Variants in POC1B observed in about 807,000 individuals in gnomAD.
The protein encoded by POC1B is POC1 centriolar protein homolog B.
In POC1B, 44 loss-of-function variants were observed where a neutral mutation model predicts 60.6. The observed-to-expected ratio is 0.73, with a 90% CI of 0.57 to 0.93. POC1B has a LOEUF of 0.93. POC1B is among the 40% of genes least tolerant of loss of function. The pLI is 0.00. For synonymous variants in POC1B, 180 were observed against 198.9 expected (o/e 0.90, Z 0.80); for missense variants, 555 against 572.3 (o/e 0.97, Z 0.31).
At chr12:89,501,707 C>A in intron 2 of POC1B, 1 of 954,142 alleles carries the variant, frequency 1.0e-6, no homozygotes, top group East Asian at 2.4e-5. Context: ...GTGGTAAAAT[C>A]AGAGGAGAGT....
In POC1B at chr12:89,446,720, TA is replaced by T. The variant is rs1165290902; in HGVS notation, c.1113+12917del. On this transcript the variant is annotated intron_variant, in intron 10 of 11. Coordinates refer to ENST00000313546, the MANE Select transcript of POC1B (RefSeq NM_172240.3). ...ATATGTAACAAACTTAAAGTGTAAT[TA>T]AAAAAAAAAAAGAAAAACATTTTGA... is the stretch of plus-strand genomic sequence containing the variant. 2.1e-3 allele frequency among the ~76,000 whole-genome samples: 294 copies of T among 139,082 alleles called. 1 individual carries two copies. The highest frequency in any genetic ancestry group is 2.0e-3 in the Non-Finnish European group (127 of 63,346). The allele number at this position is 139,082 out of a possible 152,430, so 91.2% of individuals were successfully genotyped here. A position where few individuals can be genotyped will look rare whatever the true frequency, so the allele number is the denominator to read the frequency against.
At chr12:89,471,513 A>G (rs575363567) in intron 6 of POC1B, 101 bp downstream of exon 6, 4 of 894,452 alleles carry the variant, frequency 4.5e-6, no homozygotes, top group East Asian at 2.6e-5. Flanking sequence ...AAGGCAGCCC[A>G]TGACCCCAAG....
chr12:89,431,813 T>C (rs895617918), intron 10 of POC1B, among the ~76,000 whole-genome samples: 2 of 152,224 alleles, frequency 1.3e-5, no homozygotes, highest in African/African-American at 2.4e-5. Flanking sequence ...TATTATCTTA[T>C]AGTTTTGGAG....
intron 2 of POC1B, among the ~76,000 whole-genome samples, chr12:89,517,577 G>A (rs1448833186): frequency 6.6e-6 from 1 of 151,770 alleles, no homozygotes. Context: ...AGGTTGCAGT[G>A]AGCCAAGATC....
intron 11 of POC1B, among the ~76,000 whole-genome samples, chr12:89,423,039 C>G (rs921538797): frequency 4.6e-5 from 7 of 152,084 alleles, no homozygotes; most frequent in Admixed American, 4.6e-4. Flanking sequence ...GGGTCTTAGT[C>G]TGTCACCCAG....
intron 10 of POC1B, among the ~76,000 whole-genome samples, chr12:89,438,179 C>T (rs1376327227): frequency 4.6e-5 from 7 of 152,074 alleles, no homozygotes; most frequent in Admixed American, 1.3e-4. Flanking sequence ...CTCTTCAGGC[C>T]GGGCGCGGTG....
intron 4 of POC1B, among the ~76,000 whole-genome samples, chr12:89,490,432 C>T (rs1381303247): frequency 6.6e-6 from 1 of 152,128 alleles, no homozygotes; most frequent in Non-Finnish European, 1.5e-5. Context: ...GCACCCTCTG[C>T]CTCCTGGATT....
intron 10 of POC1B, among the ~76,000 whole-genome samples, chr12:89,438,498 A>G (rs978578755): frequency 6.6e-6 from 1 of 152,200 alleles, no homozygotes; most frequent in African/African-American, 2.4e-5. Flanking sequence ...GCTCTTCAAA[A>G]GGTTAGCAAT....
intron 9 of POC1B, among the ~76,000 whole-genome samples, chr12:89,466,065 G>T (rs1474700711): frequency 6.6e-6 from 1 of 152,202 alleles, no homozygotes; most frequent in Non-Finnish European, 1.5e-5. Flanking sequence ...CAAAGAGACT[G>T]CCAGTGATAA....
intron 4 of POC1B, among the ~76,000 whole-genome samples, chr12:89,472,984 T>C (rs1882961094): frequency 6.6e-6 from 1 of 152,234 alleles, no homozygotes; most frequent in Non-Finnish European, 1.5e-5. Context: ...CAAGGTTCTT[T>C]TTTTATTGTT....
At chr12:89,434,643 C>T (rs1464383540) in intron 10 of POC1B, among the ~76,000 whole-genome samples, 2 of 152,208 alleles carry the variant, frequency 1.3e-5, no homozygotes, top group African/African-American at 4.8e-5. Flanking sequence ...ATAACACCAA[C>T]TTTCTGCATA....
At chr12:89,467,488 C>A in intron 8 of POC1B, 129 bp downstream of exon 8, 1 of 709,342 alleles carries the variant, frequency 1.4e-6, no homozygotes, top group Non-Finnish European at 2.3e-6. Context: ...CTTCATGGTA[C>A]TAATTAAAAT....
chr12:89,505,301 T>G (rs1030029788), intron 2 of POC1B, among the ~76,000 whole-genome samples: 8 of 152,270 alleles, frequency 5.3e-5, no homozygotes, highest in Non-Finnish European at 1.0e-4. Context: ...ACTTAGTATT[T>G]GATTCAGCAA....
chr12:89,513,803 G>T (rs1870302827), intron 2 of POC1B, among the ~76,000 whole-genome samples: 1 of 152,164 alleles, frequency 6.6e-6, no homozygotes, highest in Admixed American at 6.5e-5. Context: ...AGCGGCATTA[G>T]ATTCTCATAG....
intron 9 of POC1B, chr12:89,460,618 T>C (rs141938899): frequency 6.6e-6 from 1 of 152,194 alleles, no homozygotes. Flanking sequence ...CAGTGACAAA[T>C]TCACTGGAAT....
chr12:89,428,659 C>T (rs994726806), intron 10 of POC1B: 2 of 152,240 alleles, frequency 1.3e-5, no homozygotes, highest in African/African-American at 4.8e-5. Context: ...TGGGTTCACA[C>T]CATTCTCCTG....
At chr12:89,482,615 CT>C (rs1260829203) in intron 4 of POC1B, among the ~76,000 whole-genome samples, 2 of 152,228 alleles carry the variant, frequency 1.3e-5, no homozygotes, top group Non-Finnish European at 2.9e-5. Flanking sequence ...AAAATGATTG[CT>C]GGCTTAACAT....
At chr12:89,418,254 G>A (rs967919041), downstream of POC1B, among the ~76,000 whole-genome samples, 1 of 152,192 alleles carries the variant, frequency 6.6e-6, no homozygotes, top group African/African-American at 2.4e-5. Flanking sequence ...ATGCCCTCAG[G>A]AGGGAACACT....
At chr12:89,524,644 G>A in intron 2 of POC1B, 1 of 1,331,004 alleles carries the variant, frequency 7.5e-7, no homozygotes, top group Non-Finnish European at 1.0e-6. Flanking sequence ...GTACTTCCCA[G>A]CAGGTTCTTC....
Sources: gnomAD v4.1 joint callset for allele counts (sites outside exome capture counted in the v4.1 genomes callset) on GRCh38, gnomAD v4.1.1 for gene constraint, MANE v1.5 for transcripts, NCBI Gene and HGNC (gene_info 2026-07-23, HGNC 2026-07-21) for gene names.